The following OLFM3 variants were observed in gnomAD, a reference collection of about 807,000 sequenced individuals.
OLFM3 encodes the protein olfactomedin 3, also known as noelin-3.
In OLFM3, 20 loss-of-function variants were observed where a neutral mutation model predicts 48.6. That is an observed-to-expected ratio of 0.41 (90% CI 0.29 to 0.60). The LOEUF (loss-of-function observed/expected upper bound fraction) is 0.60. Among genes scored for constraint, OLFM3 ranks in the 20% least tolerant of loss-of-function variants. OLFM3 has a pLI of 0.28. For synonymous variants in OLFM3, 222 were observed against 198.1 expected (o/e 1.12, Z -1.01); for missense variants, 437 against 544.3 (o/e 0.80, Z 1.96).
intron 3 of OLFM3, among the ~76,000 whole-genome samples, chr1:101,825,700 A>T (rs1207628786): frequency 6.6e-6 from 1 of 152,172 alleles, no homozygotes; most frequent in Non-Finnish European, 1.5e-5. Flanking sequence ...TCATCCACCT[A>T]CTAAGTATCC....
At chr1:101,937,514 A>G (rs1184777853) in intron 1 of OLFM3, among the ~76,000 whole-genome samples, 2 of 152,160 alleles carry the variant, frequency 1.3e-5, no homozygotes, top group Non-Finnish European at 2.9e-5. Flanking sequence ...ATGACAGTGA[A>G]TAAGTCCCAC....
At chr1:101,892,984 T>C (rs1190507589) in intron 1 of OLFM3, 1 of 152,848 alleles carries the variant, frequency 6.5e-6, no homozygotes, top group Non-Finnish European at 1.5e-5. Flanking sequence ...GTAGATTGTA[T>C]GGTAACATTT....
intron 1 of OLFM3, among the ~76,000 whole-genome samples, chr1:101,990,622 T>G (rs1482836120): frequency 6.6e-6 from 1 of 152,310 alleles, no homozygotes; most frequent in Non-Finnish European, 1.5e-5. Flanking sequence ...GTTTTTACAC[T>G]GATTTGGAAG....
chr1:101,981,269 A>G (rs553852222), intron 1 of OLFM3, among the ~76,000 whole-genome samples: 10 of 151,832 alleles, frequency 6.6e-5, no homozygotes, highest in Admixed American at 2.0e-4. Context: ...CCATGCACTC[A>G]CACACTCTCT....
At chr1:101,839,100 G>A (rs771867421) in intron 1 of OLFM3, among the ~76,000 whole-genome samples, 9 of 152,188 alleles carry the variant, frequency 5.9e-5, no homozygotes, top group South Asian at 2.1e-4. Context: ...GATCTATTAC[G>A]TAAAGGAAAT....
chr1:101,921,456 G>A (rs1316196428), intron 1 of OLFM3, among the ~76,000 whole-genome samples: 1 of 152,164 alleles, frequency 6.6e-6, no homozygotes, highest in East Asian at 1.9e-4. Context: ...TAGAAAGAGA[G>A]GAACTTCAGT....
chr1:101,874,477 A>C (rs1225631643), intron 1 of OLFM3, among the ~76,000 whole-genome samples: 1 of 146,970 alleles, frequency 6.8e-6, no homozygotes, highest in Non-Finnish European at 1.5e-5. Flanking sequence ...CAGTATAATA[A>C]GAATTCTAAT....
chr1:101,923,957 G>T (rs1659181804), intron 1 of OLFM3, among the ~76,000 whole-genome samples: 1 of 152,130 alleles, frequency 6.6e-6, no homozygotes, highest in Admixed American at 6.5e-5. Context: ...TGAGGTTAAT[G>T]TATTGAGGAT....
intron 1 of OLFM3, among the ~76,000 whole-genome samples, chr1:101,844,352 G>A (rs1345979959): frequency 1.3e-5 from 2 of 152,174 alleles, no homozygotes; most frequent in African/African-American, 4.8e-5. Flanking sequence ...AGGAGGGAAA[G>A]AAGAAGAATC....
At chr1:101,982,833 G>A (rs542967772) in intron 1 of OLFM3, among the ~76,000 whole-genome samples, 112 of 152,140 alleles carry the variant, frequency 7.4e-4, no homozygotes, top group African/African-American at 2.4e-3. Context: ...ATGAAGATCT[G>A]GGACTTATCC....
chr1:101,924,522 C>A (rs143598680), intron 1 of OLFM3, among the ~76,000 whole-genome samples: 2 of 152,190 alleles, frequency 1.3e-5, no homozygotes, highest in East Asian at 3.9e-4. Context: ...TGTATTAGAT[C>A]CCACTTGCAT....
At chr1:101,836,484 C>T (rs1360029501) in intron 2 of OLFM3, among the ~76,000 whole-genome samples, 1 of 152,016 alleles carries the variant, frequency 6.6e-6, no homozygotes, top group Non-Finnish European at 1.5e-5. Context: ...ATATCACATG[C>T]AATTATTTTA....
chr1:101,898,065 A>G (rs541046471), intron 1 of OLFM3, among the ~76,000 whole-genome samples: 2 of 152,328 alleles, frequency 1.3e-5, no homozygotes, highest in South Asian at 2.1e-4. Context: ...TTGGGATAAG[A>G]AAAATTTTTA....
intron 1 of OLFM3, among the ~76,000 whole-genome samples, chr1:101,896,004 T>TAA (rs542079826): frequency 1.9e-4 from 26 of 137,882 alleles, no homozygotes; most frequent in African/African-American, 5.8e-4. Flanking sequence ...ATAATAATAA[T>TAA]AAAAGTATGC....
Position 101,805,006 on chromosome 1 carries a change from ATAATTC to A in OLFM3, c.700-97_700-92del. On this transcript the variant is annotated intron_variant, in intron 5 of 5. Coordinates refer to ENST00000370103, the MANE Select transcript of OLFM3 (RefSeq NM_058170.4). ...AAGACAGTGAGAGTCAACACTTATT[ATAATTC>A]TCAGGCTCTGGAAGCCACACTATCT... 3.0e-6 allele frequency: 3 copies of A among 1,011,322 alleles called. No individual in the cohort carries two copies. The Middle Eastern group carries it at 7.5e-4, about 252-fold the overall frequency. The allele number at this position is 1,011,322 out of a possible 1,614,324, so 62.6% of individuals were successfully genotyped here. A position where few individuals can be genotyped will look rare whatever the true frequency, so the allele number is the denominator to read the frequency against.
At chr1:101,974,748 T>G (rs1420464287) in intron 1 of OLFM3, among the ~76,000 whole-genome samples, 1 of 152,106 alleles carries the variant, frequency 6.6e-6, no homozygotes, top group East Asian at 1.9e-4. Flanking sequence ...AAATACTAGA[T>G]AGTTTTGACA....
intron 1 of OLFM3, chr1:101,893,558 A>G: frequency 3.7e-6 from 1 of 273,644 alleles, no homozygotes; most frequent in Non-Finnish European, 7.5e-6. Context: ...TCATTGCATT[A>G]GATCAGAAGG....
intron 1 of OLFM3, among the ~76,000 whole-genome samples, chr1:101,848,681 A>G (rs1348658321): frequency 6.6e-6 from 1 of 152,168 alleles, no homozygotes; most frequent in East Asian, 1.9e-4. Context: ...GCCCTGTGAA[A>G]TTTTACATTA....
chr1:101,984,670 G>A (rs1661188350), intron 1 of OLFM3, among the ~76,000 whole-genome samples: 1 of 152,172 alleles, frequency 6.6e-6, no homozygotes, highest in South Asian at 2.1e-4. Context: ...AAAGTGCTGG[G>A]ATTACAGGCT....
Sources: gnomAD v4.1 joint callset for allele counts (sites outside exome capture counted in the v4.1 genomes callset) on GRCh38, gnomAD v4.1.1 for gene constraint, MANE v1.5 for transcripts, NCBI Gene and HGNC (gene_info 2026-07-23, HGNC 2026-07-21) for gene names.